PGD: variants seen among roughly 807,000 people sequenced by gnomAD.
PGD encodes the protein phosphogluconate dehydrogenase.
In PGD, 21 loss-of-function variants were observed where a neutral mutation model predicts 60.4. That is an observed-to-expected ratio of 0.35 (90% CI 0.25 to 0.50). PGD has a LOEUF of 0.50. Ranked by LOEUF, PGD falls within the 20% of genes least tolerant of loss-of-function variation. The pLI is 0.98. For synonymous variants in PGD, 230 were observed against 235.9 expected (o/e 0.97, Z 0.23); for missense variants, 477 against 613.1 (o/e 0.78, Z 2.34).
intron 5 of PGD, among the ~76,000 whole-genome samples, chr1:10,407,350 T>C (rs1018781718): frequency 1.3e-5 from 2 of 152,162 alleles, no homozygotes; most frequent in African/African-American, 4.8e-5. Flanking sequence ...CTTGGGAGGC[T>C]GAGGCAGGAG....
chr1:10,411,380 T>A (rs1292615767), intron 6 of PGD, 38 bp from the exon 7 acceptor site: 2 of 1,610,948 alleles, frequency 1.2e-6, no homozygotes, highest in Middle Eastern at 4.3e-4. Context: ...GTGTCGCCTG[T>A]TTCTCTGAAG....
chr1:10,404,754 C>T (rs1639372394), intron 5 of PGD, among the ~76,000 whole-genome samples: 1 of 152,192 alleles, frequency 6.6e-6, no homozygotes, highest in African/African-American at 2.4e-5. Context: ...CCCGCCTTGG[C>T]CTCCCAAAGT....
intron 6 of PGD, 127 bp from the exon 7 acceptor site, chr1:10,411,291 T>G: frequency 1.0e-6 from 1 of 995,534 alleles, no homozygotes; most frequent in Non-Finnish European, 1.5e-6. Flanking sequence ...CTGTACTCAT[T>G]TTATACTTGT....
chr1:10,415,920 G>A (rs772002411), intron 8 of PGD, among the ~76,000 whole-genome samples: 1 of 151,868 alleles, frequency 6.6e-6, no homozygotes, highest in Admixed American at 6.6e-5. Flanking sequence ...GAATGATTAC[G>A]GCTATACTGA....
intron 6 of PGD, among the ~76,000 whole-genome samples, chr1:10,409,177 A>G (rs770050114): frequency 3.9e-5 from 6 of 152,172 alleles, no homozygotes; most frequent in Admixed American, 1.3e-4. Context: ...TTATTATTCA[A>G]TTTTATTTTA....
intron 1 of PGD, 113 bp from the exon 2 acceptor site, chr1:10,399,516 C>A: frequency 2.1e-6 from 2 of 954,196 alleles, no homozygotes; most frequent in Non-Finnish European, 3.2e-6. Flanking sequence ...GCGGGAGGCG[C>A]GGAGGAAAGT....
intron 8 of PGD, chr1:10,415,220 C>G (rs1017757396): frequency 6.6e-6 from 1 of 152,174 alleles, no homozygotes; most frequent in Non-Finnish European, 1.5e-5. Context: ...GTGCCTCGCC[C>G]TATTGAACTG....
intron 8 of PGD, among the ~76,000 whole-genome samples, chr1:10,414,833 C>A (rs1337181308): frequency 6.6e-6 from 1 of 151,858 alleles, no homozygotes; most frequent in Non-Finnish European, 1.5e-5. Flanking sequence ...TGGCTCACGC[C>A]TGTAATCCCA....
At chr1:10,399,237 G>T (rs888493227) in intron 1 of PGD, 112 bp downstream of exon 1, 4 of 1,255,640 alleles carry the variant, frequency 3.2e-6, no homozygotes, top group Admixed American at 1.9e-5. Flanking sequence ...GGTCGCCTGA[G>T]CTCACTTGGG....
intron 8 of PGD, among the ~76,000 whole-genome samples, chr1:10,416,578 T>C (rs982905909): frequency 2.6e-5 from 4 of 152,246 alleles, no homozygotes; most frequent in Admixed American, 6.5e-5. Context: ...GCAATAAAGC[T>C]TTTTAATCAC....
At chr1:10,417,622 C>T (rs1385969105) in intron 10 of PGD, 113 bp downstream of exon 10, 1 of 956,718 alleles carries the variant, frequency 1.0e-6, no homozygotes, top group Non-Finnish European at 1.5e-6. Context: ...TTAGCCCCAT[C>T]ACTGGACACT....
At chr1:10,406,075 G>A (rs1232924547) in intron 5 of PGD, among the ~76,000 whole-genome samples, 1 of 152,080 alleles carries the variant, frequency 6.6e-6, no homozygotes, top group Non-Finnish European at 1.5e-5. Context: ...GGATGGTCTT[G>A]ATCCCCTGAT....
In PGD at chr1:10,405,878, G is replaced by T. The variant is rs147520117; in HGVS notation, c.449+1599G>T. ...GATTCTTTTTTTGAGACGGAGTCTT[G>T]CTCTGTTGCCCAGGTTGGAGTGCAG... On this transcript the variant is annotated intron_variant, in intron 5 of 12. Transcript: ENST00000270776. 3.6e-4 allele frequency among the ~76,000 whole-genome samples: 55 copies of T among 152,160 alleles called. 1 individual carries two copies. In the East Asian group the frequency reaches 9.7e-3, roughly 27 times the overall value.
At chr1:10,405,977 C>T (rs1296214190) in intron 5 of PGD, among the ~76,000 whole-genome samples, 1 of 152,096 alleles carries the variant, frequency 6.6e-6, no homozygotes, top group Non-Finnish European at 1.5e-5. Flanking sequence ...CCTCAGCCTC[C>T]CAAGTGGCTG....
intron 4 of PGD, among the ~76,000 whole-genome samples, chr1:10,403,862 C>CT (rs1391787347): frequency 6.6e-6 from 1 of 152,154 alleles, no homozygotes; most frequent in Non-Finnish European, 1.5e-5. Context: ...TATTCAAGGT[C>CT]TTTTCCAGTA....
Position 10,407,456 on chromosome 1 carries a change from G to A in PGD, c.450-615G>A, listed in dbSNP as rs145443149. On this transcript the variant is annotated intron_variant, in intron 5 of 12. Coordinates refer to ENST00000270776, the MANE Select transcript of PGD (RefSeq NM_002631.4). ...CAGAGTGAGACCCTGTCTCTAAGAAGACATTTCTTCTGGTGCTTTGGTGAT... is the reference window on the plus strand; with the variant it reads ...CAGAGTGAGACCCTGTCTCTAAGAAAACATTTCTTCTGGTGCTTTGGTGAT... Among the ~76,000 whole-genome samples, 110 of 151,930 alleles carry A rather than the reference G, an allele frequency of 7.2e-4. 3 individuals are homozygous for A. In the South Asian group the frequency reaches 0.014, roughly 20 times the overall value.
At position 10,399,623 on chromosome 1, in the gene PGD, C is replaced by T. The variant is rs780142166; in HGVS notation, c.9-6C>T. 23 of 1,613,092 alleles carry T rather than the reference C, an allele frequency of 1.4e-5. No homozygotes were observed. The highest frequency in any genetic ancestry group is 1.6e-4 in the Middle Eastern group (1 of 6,084). ...TCTTTCCTTTGTTCTGTTTCTGCCT[C>T]TCTAGAGCTGACATCGCGCTGATCG... On this transcript the variant is annotated splice_region_variant and splice_polypyrimidine_tract_variant and intron_variant, in intron 1 of 12. Transcript: ENST00000270776.
At chr1:10,402,842 C>T (rs1247861854) in intron 3 of PGD, among the ~76,000 whole-genome samples, 1 of 152,074 alleles carries the variant, frequency 6.6e-6, no homozygotes, top group East Asian at 1.9e-4. Context: ...AATTTTAAAA[C>T]TAGCTGGGCA....
chr1:10,409,211 A>C (rs1364048644), intron 6 of PGD, among the ~76,000 whole-genome samples: 4 of 152,210 alleles, frequency 2.6e-5, no homozygotes, highest in African/African-American at 4.8e-5. Flanking sequence ...CTGAGGTTGA[A>C]ATAAGGACTC....
Sources: allele counts gnomAD v4.1 joint callset (sites outside exome capture counted in the v4.1 genomes callset), GRCh38; gene constraint gnomAD v4.1.1; transcripts MANE v1.5; gene names NCBI Gene and HGNC (gene_info 2026-07-23, HGNC 2026-07-21).